The following CHRNA9 variants were observed in gnomAD, a reference collection of about 807,000 sequenced individuals.
The protein encoded by CHRNA9 is neuronal acetylcholine receptor subunit alpha-9.
Under a neutral mutation model 36.8 loss-of-function variants are expected in CHRNA9, and 24 were observed. The ratio of observed to expected loss-of-function variants is 0.65; its 90% CI spans 0.47 to 0.92. The LOEUF is 0.92. Among genes scored for constraint, CHRNA9 ranks in the 40% least tolerant of loss-of-function variants. The probability of loss-of-function intolerance (pLI) is 0.00; values close to 1 mark genes in which losing one functional copy is unlikely to be tolerated. For missense variants in CHRNA9, 610 were observed against 601.2 expected (o/e 1.01, Z -0.15); for synonymous variants, 231 against 231.8 (o/e 1.00, Z 0.03).
At chr4:40,344,614 T>G (rs1712586771) in intron 3 of CHRNA9, among the ~76,000 whole-genome samples, 1 of 152,094 alleles carries the variant, frequency 6.6e-6, no homozygotes, top group Non-Finnish European at 1.5e-5. Flanking sequence ...ATATAGTTTG[T>G]TTAATATAAA....
At chr4:40,352,691 G>C (rs1449802991) in intron 4 of CHRNA9, among the ~76,000 whole-genome samples, 1 of 150,636 alleles carries the variant, frequency 6.6e-6, no homozygotes, top group Non-Finnish European at 1.5e-5. Context: ...CATCTTCTTG[G>C]CTTTTTGTTC....
At chr4:40,339,279 C>CAAAAAAAAAAAAAAAAAAAAAA (rs61634062) in intron 3 of CHRNA9, among the ~76,000 whole-genome samples, 4 of 71,158 alleles carry the variant, frequency 5.6e-5, no homozygotes, top group Non-Finnish European at 1.0e-4. Flanking sequence ...GACTCCATCT[C>CAAAAAAAAAAAAAAAAAAAAAA]AAAAAAAAAA....
rs56098158 is a variant in CHRNA9, at chr4:40,354,216, A to G, written c.1136A>G (p.Glu379Gly). The change falls in exon 5 of 5, where the codon GAG becomes GGG. Residue 379 changes from glutamate (E) to glycine (G), a missense_variant. Glu to Gly is a moderately conservative substitution (Grantham distance 98). Transcript: ENST00000310169. Reference sequence around the variant, plus strand: ...ACGAAAGTTTATAGCAAACTCCCAGAGTCTAACCTGAAAGCAGCCAGGAAC... The same window carrying G: ...ACGAAAGTTTATAGCAAACTCCCAGGGTCTAACCTGAAAGCAGCCAGGAAC... ...HLTKVYSKLP[E>G]SNLKAARNKD... 4.5e-5 allele frequency: 72 copies of G among 1,614,134 alleles called. No homozygotes were observed. The highest frequency in any genetic ancestry group is 5.9e-5 in the Non-Finnish European group (70 of 1,180,054).
Position 40,337,306 on chromosome 4 carries a change from G to C in CHRNA9, c.307G>C (p.Asp103His), listed in dbSNP as rs762307789. 3.1e-6 allele frequency: 5 copies of C among 1,614,212 alleles called. No individual in the cohort carries two copies. In the East Asian group the frequency reaches 8.9e-5, roughly 29 times the overall value. ...TWDRDQYDGL[D>H]SIRIPSDLVW... Reference sequence around the variant, plus strand: ...GGACCGAGATCAGTACGATGGCCTAGACTCCATCAGGATCCCCAGTGACCT... The same window carrying C: ...GGACCGAGATCAGTACGATGGCCTACACTCCATCAGGATCCCCAGTGACCT... Residue 103 changes from aspartate (D) to histidine (H), a missense_variant, in exon 3 of 5, where the codon GAC (aspartate) becomes CAC (histidine). Coordinates refer to ENST00000310169, the MANE Select transcript of CHRNA9 (RefSeq NM_017581.4).
intron 3 of CHRNA9, among the ~76,000 whole-genome samples, chr4:40,341,435 T>G (rs1712499418): frequency 6.6e-6 from 1 of 152,152 alleles, no homozygotes; most frequent in African/African-American, 2.4e-5. Context: ...GAGCCTTCAC[T>G]TCAGCTTCCA....
At chr4:40,339,601 G>C (rs1712441485) in intron 3 of CHRNA9, among the ~76,000 whole-genome samples, 1 of 148,484 alleles carries the variant, frequency 6.7e-6, no homozygotes. Flanking sequence ...GGGAGGCGGA[G>C]CTTGCAGTGA....
chr4:40,349,944 C>T (rs949476644), intron 4 of CHRNA9: 2 of 156,564 alleles, frequency 1.3e-5, no homozygotes, highest in African/African-American at 4.8e-5. Context: ...AGGCAAGTTA[C>T]TTGTTCTCTT....
rs191525343 is a variant in CHRNA9 at position 40,337,300 on chromosome 4, G to A, written c.301G>A (p.Gly101Ser). Reference protein sequence around the residue: ...YLTWDRDQYDGLDSIRIPSDL... With the variant: ...YLTWDRDQYDSLDSIRIPSDL... ...CACGTGGGACCGAGATCAGTACGAT[G>A]GCCTAGACTCCATCAGGATCCCCAG... is the stretch of plus-strand genomic sequence containing the variant. The change falls in exon 3 of 5, where the codon GGC becomes AGC. Residue 101 changes from glycine to serine, a missense_variant. By Grantham distance (56) the Gly-to-Ser change is moderately conservative. Transcript: ENST00000310169. 1.4e-5 allele frequency: 23 copies of A among 1,614,210 alleles called. No homozygotes were observed. In the African/African-American group the frequency reaches 2.9e-4, roughly 21 times the overall value.
Position 40,337,190 on chromosome 4 carries a change from C to T in CHRNA9, c.211-20C>T. On this transcript the variant is annotated intron_variant, in intron 2 of 4. Transcript: ENST00000310169. ...TTCAAGTGTCTGCTAGGTAAAGCGA[C>T]ATCTGGATTCATTGTGTAGGATGAA... 6.2e-7 allele frequency: 1 copy of T among 1,611,776 alleles called. No homozygotes were observed. The highest frequency in any genetic ancestry group is 8.5e-7 in the Non-Finnish European group (1 of 1,177,994).
rs941504679 is a variant in CHRNA9, at chr4:40,354,093, G to A, written c.1013G>A (p.Arg338Lys). Reference protein sequence around the residue: ...AEARPVPHWARVVILKYMSRV... With the variant: ...AEARPVPHWAKVVILKYMSRV... ...GCCCGGCCGGTGCCACACTGGGCCA[G>A]GGTGGTCATCCTGAAATACATGTCC... Residue 338 changes from arginine to lysine, a missense_variant, in exon 5 of 5, where the codon AGG becomes AAG. Arg to Lys is a conservative substitution (Grantham distance 26). Transcript: ENST00000310169. The A allele has an allele frequency of 2.5e-6, 4 of 1,614,116 alleles. No homozygotes were observed. Among genetic ancestry groups the A allele is most frequent in the Non-Finnish European group, 3.4e-6 (4 of 1,180,048 alleles).
chr4:40,347,746 A>G (rs1182621264), intron 3 of CHRNA9: 2 of 152,218 alleles, frequency 1.3e-5, no homozygotes, highest in African/African-American at 4.8e-5. Flanking sequence ...CTTTATTAAG[A>G]TTTCACCAGC....
Position 40,349,029 on chromosome 4 carries a change from G to C in CHRNA9, c.513G>C (p.Leu171=). Residue 171 remains leucine (L), a synonymous_variant, in exon 4 of 5, where the codon CTG becomes CTC. Transcript: ENST00000310169. ...YFPFDNQQCN[L]TFGSWTYNGN... is the part of the protein sequence containing the mutation. ...CTTTTGACAACCAGCAGTGCAACCTGACTTTTGGTTCCTGGACCTACAATG... is the reference window on the plus strand; with the variant it reads ...CTTTTGACAACCAGCAGTGCAACCTCACTTTTGGTTCCTGGACCTACAATG... The C allele has an allele frequency of 1.2e-6, 2 of 1,614,186 alleles. No individual in the cohort carries two copies. Among genetic ancestry groups the C allele is most frequent in the Non-Finnish European group, 1.7e-6 (2 of 1,180,020 alleles).
At chr4:40,338,793 G>C in intron 3 of CHRNA9, among the ~76,000 whole-genome samples, 1 of 151,682 alleles carries the variant, frequency 6.6e-6, no homozygotes, top group African/African-American at 2.4e-5. Context: ...TCAAATACTG[G>C]GCTTTATTCC....
Position 40,335,472 on chromosome 4 carries a change from A to T in CHRNA9, c.5A>T (p.Asn2Ile). Reference sequence around the variant, plus strand: ...TTATAGAGGCTCAGGAAAAAGATGAACTGGTCCCATTCCTGCATCTCCTTT... The same window carrying T: ...TTATAGAGGCTCAGGAAAAAGATGATCTGGTCCCATTCCTGCATCTCCTTT... M[N>I]WSHSCISFCW... The change falls in exon 1 of 5, where the codon AAC becomes ATC. Residue 2 changes from asparagine to isoleucine, a missense_variant. Coordinates refer to ENST00000310169, the MANE Select transcript of CHRNA9 (RefSeq NM_017581.4). The T allele has an allele frequency of 6.2e-7, 1 of 1,612,792 alleles. No individual in the cohort carries two copies. Among genetic ancestry groups the T allele is most frequent in the Non-Finnish European group, 8.5e-7 (1 of 1,178,738 alleles).
chr4:40,347,467 T>G (rs57908373), intron 3 of CHRNA9, among the ~76,000 whole-genome samples: 20,953 of 152,210 alleles, frequency 0.14, 2,938 homozygotes, highest in African/African-American at 0.36. Context: ...TAATGGACTA[T>G]AATAGAATGC....
chr4:40,343,839 A>G (rs896378381), intron 3 of CHRNA9, among the ~76,000 whole-genome samples: 1 of 152,224 alleles, frequency 6.6e-6, no homozygotes, highest in African/African-American at 2.4e-5. Context: ...GGGGCTTTAC[A>G]AAGTGTGATA....
intron 2 of CHRNA9, among the ~76,000 whole-genome samples, chr4:40,336,339 AT>A (rs1712318416): frequency 6.6e-6 from 1 of 152,148 alleles, no homozygotes; most frequent in Non-Finnish European, 1.5e-5. Context: ...GTTCTTAATG[AT>A]TACGGCGTTT....
intron 3 of CHRNA9, among the ~76,000 whole-genome samples, chr4:40,342,901 G>A (rs906355751): frequency 8.5e-5 from 13 of 152,074 alleles, no homozygotes; most frequent in Admixed American, 7.2e-4. Flanking sequence ...GGACTCACAC[G>A]ACCAGAAGGG....
At chr4:40,344,360 C>T (rs796811121) in intron 3 of CHRNA9, among the ~76,000 whole-genome samples, 2 of 151,960 alleles carry the variant, frequency 1.3e-5, no homozygotes, top group African/African-American at 4.8e-5. Context: ...GCAAGATTCC[C>T]GTCTCTACTA....
Sources: gnomAD v4.1 joint callset for allele counts (sites outside exome capture counted in the v4.1 genomes callset) on GRCh38, gnomAD v4.1.1 for gene constraint, MANE v1.5 for transcripts, NCBI Gene and HGNC (gene_info 2026-07-23, HGNC 2026-07-21) for gene names.